PPP6R1: variants seen among roughly 807,000 people sequenced by gnomAD.
The protein encoded by PPP6R1 is serine/threonine-protein phosphatase 6 regulatory subunit 1.
A neutral mutation model predicts 104.6 loss-of-function variants in PPP6R1; 39 were observed. The ratio of observed to expected loss-of-function variants is 0.37; its 90% CI spans 0.29 to 0.49. The LOEUF is 0.49. Ranked by LOEUF, PPP6R1 falls within the 20% of genes least tolerant of loss-of-function variation. The pLI is 0.98. For missense variants in PPP6R1, 1,181 were observed against 1,155.8 expected (o/e 1.02, Z -0.32); for synonymous variants, 549 against 479.0 (o/e 1.15, Z -1.91).
intron 1 of PPP6R1, among the ~76,000 whole-genome samples, chr19:55,247,569 G>A (rs1036779460): frequency 2.0e-5 from 3 of 152,230 alleles, no homozygotes; most frequent in African/African-American, 7.2e-5. Flanking sequence ...CAGAGGCAGG[G>A]CCTTAACCTC....
chr19:55,236,771 A>T lies in PPP6R1; in HGVS notation c.1860T>A (p.Phe620Leu), dbSNP rs376977154. ...CGTCCTCCTCTTCCTCATCATCATC[A>T]AACTGCTGGATGCGGTCCTTGTAGC... ...EICYKDRIQQ[F>L]DDDEEEEDEE... Residue 620 changes from phenylalanine to leucine, a missense_variant, in exon 17 of 24, where the codon TTT becomes TTA. Physicochemically the swap from Phe to Leu is conservative, Grantham distance 22. Transcript: ENST00000412770. 5.0e-6 allele frequency: 8 copies of T among 1,613,834 alleles called. No individual in the cohort carries two copies. Among genetic ancestry groups the T allele is most frequent in the Non-Finnish European group, 6.8e-6 (8 of 1,179,856 alleles).
At chr19:55,253,642 C>T (rs568530037) in intron 1 of PPP6R1, among the ~76,000 whole-genome samples, 24 of 152,244 alleles carry the variant, frequency 1.6e-4, no homozygotes, top group Non-Finnish European at 2.9e-4. Context: ...ATTGAGTGGT[C>T]GACACTCTAC....
At chr19:55,254,455 T>A (rs2087577576) in intron 1 of PPP6R1, among the ~76,000 whole-genome samples, 1 of 152,140 alleles carries the variant, frequency 6.6e-6, no homozygotes, top group Non-Finnish European at 1.5e-5. Flanking sequence ...AGCCCCTTCC[T>A]TCCCCTGCTT....
In PPP6R1 at chr19:55,242,541, C is replaced by T. The variant is rs184080002; in HGVS notation, c.619-53G>A. On this transcript the variant is annotated intron_variant, in intron 5 of 23. Coordinates refer to ENST00000412770, the MANE Select transcript of PPP6R1 (RefSeq NM_014931.4). ...CCTGGTCGGGCCACCGGGCCCTCTG[C>T]AGCCTGGTGCTGGGAGCCCCTCCCA... The T allele has an allele frequency of 2.7e-6, 4 of 1,464,472 alleles. No individual in the cohort carries two copies. In the African/African-American group the frequency reaches 5.6e-5, roughly 20 times the overall value. The allele number at this position is 1,464,472 out of a possible 1,614,324, so 90.7% of individuals were successfully genotyped here.
At chr19:55,232,037 G>T (rs1600103295) in intron 18 of PPP6R1, 38 bp downstream of exon 18, 1 of 1,611,488 alleles carries the variant, frequency 6.2e-7, no homozygotes, top group East Asian at 2.2e-5. Context: ...CAGGCAGACA[G>T]CCCTGTGTAC....
chr19:55,235,474 G>T (rs953579482), intron 17 of PPP6R1, among the ~76,000 whole-genome samples: 1 of 151,876 alleles, frequency 6.6e-6, no homozygotes, highest in Non-Finnish European at 1.5e-5. Flanking sequence ...CAGCCACAGA[G>T]ATTATCCCTT....
downstream of PPP6R1, chr19:55,229,068 A>C: frequency 3.7e-6 from 1 of 272,374 alleles, no homozygotes; most frequent in Non-Finnish European, 7.3e-6. Context: ...CAGAATTCCA[A>C]CAGCCACCCC....
chr19:55,240,072 T>C lies in PPP6R1; in HGVS notation c.1404A>G (p.Thr468=), dbSNP rs771738563. 4 of 1,602,098 alleles carry C rather than the reference T, an allele frequency of 2.5e-6. No individual in the cohort carries two copies. The highest frequency in any genetic ancestry group is 1.7e-4 in the Middle Eastern group (1 of 6,050). The change falls in exon 12 of 24, where the codon ACA becomes ACG. Residue 468 remains threonine (T), a synonymous_variant. Transcript: ENST00000412770. Reference sequence around the variant, plus strand: ...TCTGCACCAGGGCACCGGCCACTCTTGTCAGGTGACCCATGTAGCCTTTCC... The same window carrying C: ...TCTGCACCAGGGCACCGGCCACTCTCGTCAGGTGACCCATGTAGCCTTTCC... The part of the protein sequence containing the change: ...GPRKGYMGHL[T]RVAGALVQNT...
At chr19:55,255,604 A>C (rs2087586822) in intron 1 of PPP6R1, 1 of 152,366 alleles carries the variant, frequency 6.6e-6, no homozygotes, top group South Asian at 2.1e-4. Context: ...AGCCCCATCA[A>C]GCCGGGTGCC....
intron 17 of PPP6R1, 45 bp from the exon 18 acceptor site, chr19:55,232,256 G>C (rs374036494): frequency 6.7e-7 from 1 of 1,500,344 alleles, no homozygotes; most frequent in Admixed American, 2.1e-5. Flanking sequence ...GGGACAGACC[G>C]GCCGACACCC....
Position 55,239,466 on chromosome 19 carries a change from C to A in PPP6R1, c.1690G>T (p.Ala564Ser), listed in dbSNP as rs376572698. 6.2e-7 allele frequency: 1 copy of A among 1,614,028 alleles called. No homozygotes were observed. The highest frequency in any genetic ancestry group is 1.1e-5 in the South Asian group (1 of 91,090). ...TTGAAGCCGAAGTGGTCAATGAAGG[C>A]AGAGGTCATGCGCTGCATCTGGAAG... The part of the protein sequence containing the change: ...MDFQMQRMTS[A>S]FIDHFGFNDE... The change falls in exon 15 of 24, where the codon GCC becomes TCC. Residue 564 changes from alanine to serine, a missense_variant. This residue lies in a region of PPP6R1 where 1,042 missense variants were observed against 955.6 expected (regional missense o/e 1.09). Transcript: ENST00000412770.
intron 5 of PPP6R1, among the ~76,000 whole-genome samples, chr19:55,243,679 G>A (rs534417111): frequency 1.1e-4 from 17 of 147,988 alleles, no homozygotes; most frequent in South Asian, 2.1e-4. Context: ...AAAAAGACAC[G>A]GCCTCTACAT....
Position 55,245,032 on chromosome 19 carries a change from C to T in PPP6R1, c.618+88G>A, listed in dbSNP as rs1226627236. 2.6e-6 allele frequency: 4 copies of T among 1,539,802 alleles called. No homozygotes were observed. In the African/African-American group the frequency reaches 5.5e-5, roughly 21 times the overall value. ...GAATTACAGGCGTGAGCCACTGCGTCCAGCCCCAATTCCTCTTTTAAAAGT... is the reference window on the plus strand; with the variant it reads ...GAATTACAGGCGTGAGCCACTGCGTTCAGCCCCAATTCCTCTTTTAAAAGT... On this transcript the variant is annotated intron_variant, in intron 5 of 23. Coordinates refer to ENST00000412770, the MANE Select transcript of PPP6R1 (RefSeq NM_014931.4). This position sits in a 1 kb window ranked among gnomAD's most constrained non-coding sequence, Gnocchi z 6.4.
intron 17 of PPP6R1, among the ~76,000 whole-genome samples, chr19:55,234,499 T>C (rs1265633016): frequency 6.6e-6 from 1 of 152,174 alleles, no homozygotes; most frequent in African/African-American, 2.4e-5. Context: ...TCACATCATA[T>C]ACAAAATTTA....
rs574299254 is a variant in PPP6R1 at position 55,243,141 on chromosome 19, G to T, written c.619-653C>A. Among the ~76,000 whole-genome samples, 295 of 152,230 alleles carry T rather than the reference G, an allele frequency of 1.9e-3. 3 individuals carry two copies. Among genetic ancestry groups the T allele is most frequent in the African/African-American group, 6.7e-3 (279 of 41,542 alleles). ...CTGAAAGGCCGAGGTGGGGCCGGGC[G>T]CGGTGGCTCACGCCTGTAATCCCAG... On this transcript the variant is annotated intron_variant, in intron 5 of 23. Coordinates refer to ENST00000412770, the MANE Select transcript of PPP6R1 (RefSeq NM_014931.4).
intron 17 of PPP6R1, among the ~76,000 whole-genome samples, chr19:55,235,048 G>A (rs754303424): frequency 7.2e-5 from 11 of 152,172 alleles, no homozygotes; most frequent in Middle Eastern, 6.8e-3. Flanking sequence ...TTGTCTATAC[G>A]CATGTTACAT....
chr19:55,245,130 T>C lies in PPP6R1; in HGVS notation c.608A>G (p.Lys203Arg). The change falls in exon 5 of 24, where the codon AAG becomes AGG. Residue 203 changes from lysine to arginine, a missense_variant. By Grantham distance (26) the Lys-to-Arg change is conservative. Around this residue, in one of 2 missense-constraint regions of PPP6R1, gnomAD observed 1,042 missense variants for 955.6 expected, o/e 1.09. Transcript: ENST00000412770. The surrounding 1 kb of genome is among the most constrained non-coding windows in gnomAD (Gnocchi z 6.4). Reference sequence around the variant, plus strand: ...ATCGGCAGCACTCACATTCTCATCCTTCGACGGGTGGATCTGCTCAATCAG... The same window carrying C: ...ATCGGCAGCACTCACATTCTCATCCCTCGACGGGTGGATCTGCTCAATCAG... Reference protein sequence around the residue: ...QRLIEQIHPSKDENQHSNASQ... With the variant: ...QRLIEQIHPSRDENQHSNASQ... 1 of 1,613,468 alleles carries C rather than the reference T, an allele frequency of 6.2e-7. No homozygotes were observed. Among genetic ancestry groups the C allele is most frequent in the Non-Finnish European group, 8.5e-7 (1 of 1,179,750 alleles).
intron 1 of PPP6R1, among the ~76,000 whole-genome samples, chr19:55,249,996 G>A (rs1220068157): frequency 2.6e-4 from 40 of 152,190 alleles, no homozygotes; most frequent in Non-Finnish European, 1.5e-5. Context: ...GCCCTGGGGA[G>A]GCCGTGCCCC....
At chr19:55,230,977 G>GGT (rs1237618764) in intron 21 of PPP6R1, 93 bp from the exon 22 acceptor site, 1 of 1,111,360 alleles carries the variant, frequency 9.0e-7, no homozygotes, top group Non-Finnish European at 1.3e-6. Flanking sequence ...CGGCTCACTG[G>GGT]GTGTGTGTCT....
Sources: gnomAD v4.1 joint callset for allele counts (sites outside exome capture counted in the v4.1 genomes callset) on GRCh38, gnomAD v4.1.1 for gene constraint, gnomAD v4.1.1 regional missense constraint, Gnocchi (gnomAD v3.1) non-coding constraint, MANE v1.5 for transcripts, NCBI Gene and HGNC (gene_info 2026-07-23, HGNC 2026-07-21) for gene names.